UTP25: variants seen among roughly 807,000 people sequenced by gnomAD.
UTP25 encodes U3 small nucleolar RNA-associated protein 25 homolog.
UTP25 carries 50 observed loss-of-function variants against 78.9 expected under a neutral mutation model. That is an observed-to-expected ratio of 0.63 (90% CI 0.50 to 0.80). UTP25 has a LOEUF of 0.80. Among genes scored for constraint, UTP25 ranks in the 30% least tolerant of loss-of-function variants. UTP25 has a pLI of 0.00. For missense variants in UTP25, 846 were observed against 911.3 expected, an observed-to-expected ratio of 0.93 and a Z score of 0.92; for synonymous variants, 329 against 336.5, an observed-to-expected ratio of 0.98 and a Z score of 0.24.
At chr1:209,831,382 G>C (rs1159104189) in intron 3 of UTP25, among the ~76,000 whole-genome samples, 1 of 152,146 alleles carries the variant, frequency 6.6e-6, no homozygotes, top group Non-Finnish European at 1.5e-5. Flanking sequence ...GGGAGACCAA[G>C]TTTGATGGAA....
chr1:209,837,399 TC>T (rs1045314630), intron 6 of UTP25, among the ~76,000 whole-genome samples, 188 bp downstream of exon 6: 19 of 152,354 alleles, frequency 1.2e-4, no homozygotes, highest in Admixed American at 3.9e-4. Flanking sequence ...GTGGGCTGTT[TC>T]TGACAGTGGA....
At position 209,834,450 on chromosome 1, in the gene UTP25, C is replaced by T. The variant is rs1331483327; in HGVS notation, c.563-625C>T. 3.9e-4 allele frequency among the ~76,000 whole-genome samples: 60 copies of T among 152,136 alleles called. 1 individual carries two copies. The highest frequency in any genetic ancestry group is 3.9e-3 in the Admixed American group (60 of 15,272). On this transcript the variant is annotated intron_variant, in intron 4 of 11. Coordinates refer to ENST00000491415, the MANE Select transcript of UTP25 (RefSeq NM_014388.7). ...TTGTTCAATTCAGTGGAGTATTGGT[C>T]ATATCTGTGTGTCCCAGTGCAAGAT...
At chr1:209,843,178 C>T in intron 10 of UTP25, 1 of 471,054 alleles carries the variant, frequency 2.1e-6, no homozygotes, top group Non-Finnish European at 3.8e-6. Context: ...GACTGACTGA[C>T]TGAATAGTGT....
chr1:209,843,754 T>C (rs1263335309), intron 11 of UTP25, 58 bp downstream of exon 11: 4 of 1,570,782 alleles, frequency 2.5e-6, no homozygotes, highest in East Asian at 2.2e-5. Context: ...GGACAAATCA[T>C]GGCCTGCTCT....
chr1:209,848,233 A>G (rs2078209390), intron 11 of UTP25, among the ~76,000 whole-genome samples: 1 of 152,234 alleles, frequency 6.6e-6, no homozygotes, highest in Non-Finnish European at 1.5e-5. Flanking sequence ...TTTAGAATAA[A>G]TATCTTTTGA....
Position 209,854,835 on chromosome 1 carries a change from T to A in UTP25, c.*3388T>A, listed in dbSNP as rs1170305926. On this transcript the variant is annotated 3_prime_UTR_variant, in exon 12 of 12. Transcript: ENST00000491415. Reference sequence around the variant, plus strand: ...GTGGAATGCTCAGAAGTGGCTCTTTTCAGGGCACGGCTTCTGAGGAGCGTG... The same window carrying A: ...GTGGAATGCTCAGAAGTGGCTCTTTACAGGGCACGGCTTCTGAGGAGCGTG... 1 of 152,192 alleles carries A rather than the reference T, an allele frequency of 6.6e-6. No homozygotes were observed. The highest frequency in any genetic ancestry group is 1.5e-5 in the Non-Finnish European group (1 of 68,036). The allele number at this position is 152,192 out of a possible 1,614,324, so 9.4% of individuals were successfully genotyped here.
chr1:209,839,174 C>T (rs1471893005), intron 7 of UTP25, 46 bp downstream of exon 7: 2 of 1,508,432 alleles, frequency 1.3e-6, no homozygotes, highest in Non-Finnish European at 1.8e-6. Context: ...TGAAGGTCTA[C>T]ATAGCTGGAG....
At chr1:209,834,880 T>A (rs1220874127) in intron 4 of UTP25, among the ~76,000 whole-genome samples, 195 bp from the exon 5 acceptor site, 1 of 152,108 alleles carries the variant, frequency 6.6e-6, no homozygotes, top group Non-Finnish European at 1.5e-5. Context: ...TGGGAAGTAA[T>A]ATAATTAGAG....
rs1219307552 is a variant in UTP25, at chr1:209,856,866, T to C, written c.*5419T>C. On this transcript the variant is annotated 3_prime_UTR_variant, in exon 12 of 12. Coordinates refer to ENST00000491415, the MANE Select transcript of UTP25 (RefSeq NM_014388.7). ...GATCCATAGAACGAGGGAACACAAG[T>C]GTCTTCTCATAAGATTTATAGAAAC... 1 of 152,228 alleles carries C rather than the reference T, an allele frequency of 6.6e-6. No homozygotes were observed. The allele number at this position is 152,228 out of a possible 1,614,324, so 9.4% of individuals were successfully genotyped here.
chr1:209,834,074 T>C (rs2078118349), intron 4 of UTP25, among the ~76,000 whole-genome samples: 1 of 152,238 alleles, frequency 6.6e-6, no homozygotes, highest in African/African-American at 2.4e-5. Context: ...GTTGGTTATT[T>C]TGCAGGAGAA....
rs961461653 is a variant in UTP25, at chr1:209,856,093, TCAC to T, written c.*4650_*4652del. 6.6e-5 allele frequency: 10 copies of T among 152,252 alleles called. No homozygotes were observed. Among genetic ancestry groups the T allele is most frequent in the African/African-American group, 2.4e-4 (10 of 41,468 alleles). The allele number at this position is 152,252 out of a possible 1,614,324, so 9.4% of individuals were successfully genotyped here. On this transcript the variant is annotated 3_prime_UTR_variant, in exon 12 of 12. Coordinates refer to ENST00000491415, the MANE Select transcript of UTP25 (RefSeq NM_014388.7). ...TCAAAGCTGGGTGTTGGGACCAACA[TCAC>T]CACTGACATTCTGTGGCTCTAAACA...
Position 209,830,109 on chromosome 1 carries a change from G to A in UTP25, c.109G>A (p.Val37Ile). ...GTAACATTGCCTGTTTCTTTTTAGG[G>A]TTTCCAGAAAGGAAGCAAAGCCACA... ...FGEEHPFYDR[V>I]SRKEAKPQIC... Residue 37 changes from valine to isoleucine, a missense_variant and splice_region_variant, in exon 2 of 12, where the codon GTT becomes ATT. Coordinates refer to ENST00000491415, the MANE Select transcript of UTP25 (RefSeq NM_014388.7). The A allele has an allele frequency of 1.9e-6, 3 of 1,611,346 alleles. No homozygotes were observed. The highest frequency in any genetic ancestry group is 1.7e-4 in the Middle Eastern group (1 of 6,048).
intron 11 of UTP25, among the ~76,000 whole-genome samples, chr1:209,848,179 A>T (rs1328175241): frequency 6.6e-6 from 1 of 152,232 alleles, no homozygotes; most frequent in Non-Finnish European, 1.5e-5. Context: ...TAAAAAAACA[A>T]CCAGCTAGGT....
chr1:209,830,209 T>G (rs1205898443), intron 2 of UTP25, 62 bp downstream of exon 2: 1 of 1,389,128 alleles, frequency 7.2e-7, no homozygotes, highest in Non-Finnish European at 1.0e-6. Context: ...AGATTATATC[T>G]AATAATAAAG....
At chr1:209,847,107 T>C (rs1031448535) in intron 11 of UTP25, among the ~76,000 whole-genome samples, 46 of 152,210 alleles carry the variant, frequency 3.0e-4, no homozygotes, top group African/African-American at 1.1e-3. Flanking sequence ...TCCTTTGTCT[T>C]AGATGTTTTA....
At position 209,843,440 on chromosome 1, in the gene UTP25, T is replaced by C. The variant is rs377690356; in HGVS notation, c.1782-11T>C. The C allele has an allele frequency of 2.2e-4, 353 of 1,613,174 alleles. No homozygotes were observed. The highest frequency in any genetic ancestry group is 2.9e-4 in the Non-Finnish European group (343 of 1,179,460). Reference sequence around the variant, plus strand: ...TAGACATTAATTTTGCCCTTTGCCATTCCAAATCAGGTTTAACTTTTTTGT... The same window carrying C: ...TAGACATTAATTTTGCCCTTTGCCACTCCAAATCAGGTTTAACTTTTTTGT... On this transcript the variant is annotated splice_polypyrimidine_tract_variant and intron_variant, in intron 10 of 11. Coordinates refer to ENST00000491415, the MANE Select transcript of UTP25 (RefSeq NM_014388.7).
In UTP25 at chr1:209,828,175, G is replaced by A; in HGVS notation, c.107+5G>A. The A allele has an allele frequency of 6.2e-7, 1 of 1,611,358 alleles. No individual in the cohort carries two copies. On this transcript the variant is annotated splice_donor_5th_base_variant and intron_variant, in intron 1 of 11. Transcript: ENST00000491415. ...GGAGCATCCCTTCTATGACAGGTCTGAAGGGGCGTGGCAGGGCTCCCCAGT... is the reference window on the plus strand; with the variant it reads ...GGAGCATCCCTTCTATGACAGGTCTAAAGGGGCGTGGCAGGGCTCCCCAGT...
intron 7 of UTP25, 25 bp from the exon 8 acceptor site, chr1:209,840,828 G>C (rs753012627): frequency 6.2e-7 from 1 of 1,611,002 alleles, no homozygotes; most frequent in Non-Finnish European, 8.5e-7. Context: ...TAATGAATTG[G>C]TGTGTACTTG....
chr1:209,833,136 G>A (rs1037074795), intron 3 of UTP25, 49 bp from the exon 4 acceptor site: 19 of 1,546,476 alleles, frequency 1.2e-5, no homozygotes, highest in Non-Finnish European at 1.7e-5. Context: ...GTCAACAGAA[G>A]TATAATTTGT....
Sources: allele counts gnomAD v4.1 joint callset (sites outside exome capture counted in the v4.1 genomes callset), GRCh38; gene constraint gnomAD v4.1.1; transcripts MANE v1.5; gene names NCBI Gene and HGNC (gene_info 2026-07-23, HGNC 2026-07-21).